The following ANO9 variants were observed in gnomAD, a reference collection of about 807,000 sequenced individuals.
The protein encoded by ANO9 is anoctamin 9.
A neutral mutation model predicts 100.5 loss-of-function variants in ANO9; 80 were observed. The observed-to-expected ratio is 0.80, with a 90% CI of 0.66 to 0.96. The LOEUF (loss-of-function observed/expected upper bound fraction) is 0.96, where lower values mean the gene tolerates loss of function less well. Among genes scored for constraint, ANO9 ranks in the 40% least tolerant of loss-of-function variants. The probability of loss-of-function intolerance (pLI) is 0.00; values close to 1 mark genes in which losing one functional copy is unlikely to be tolerated. For missense variants in ANO9, 1,064 were observed against 1,072.7 expected (o/e 0.99, Z 0.11); for synonymous variants, 473 against 435.6 (o/e 1.09, Z -1.07).
intron 1 of ANO9, chr11:440,529 C>G (rs896164990): frequency 2.6e-5 from 4 of 152,540 alleles, no homozygotes; most frequent in African/African-American, 9.7e-5. Flanking sequence ...GTTCACCCCT[C>G]CTTAGGCAAC....
chr11:440,236 G>A (rs1400659726), intron 1 of ANO9, among the ~76,000 whole-genome samples: 2 of 152,146 alleles, frequency 1.3e-5, no homozygotes, highest in Non-Finnish European at 2.9e-5. Context: ...TCAGTCCTTG[G>A]TACTTCAGCT....
chr11:421,457 C>A lies in ANO9; in HGVS notation c.1335-259G>T, dbSNP rs1292763524. ...TGGGCGCGCGCACACACACACACAC[C>A]CCCACACAGGGGAGGCCACAGGCTC... On this transcript the variant is annotated intron_variant, in intron 15 of 22. Transcript: ENST00000332826. The surrounding 1 kb of genome is among the most constrained non-coding windows in gnomAD (Gnocchi z 6.8). Among the ~76,000 whole-genome samples the A allele has an allele frequency of 2.2e-3, 210 of 94,232 alleles. 2 individuals are homozygous for A. The highest frequency in any genetic ancestry group is 5.1e-3 in the Middle Eastern group (1 of 196). The allele number at this position is 94,232 out of a possible 152,430, so 61.8% of individuals were successfully genotyped here.
chr11:425,553 T>TAA (rs796310958), intron 15 of ANO9, among the ~76,000 whole-genome samples: 2 of 132,084 alleles, frequency 1.5e-5, no homozygotes, highest in African/African-American at 5.6e-5. Flanking sequence ...AACTGACAGT[T>TAA]AAAAAAAAAA....
At chr11:437,799 TG>T (rs1845480140) in intron 1 of ANO9, among the ~76,000 whole-genome samples, 1 of 152,130 alleles carries the variant, frequency 6.6e-6, no homozygotes, top group African/African-American at 2.4e-5. Context: ...CATGGGAGAA[TG>T]GCCCCTCACA....
chr11:429,474 C>G, intron 11 of ANO9, 96 bp downstream of exon 11: 1 of 1,543,110 alleles, frequency 6.5e-7, no homozygotes, highest in Non-Finnish European at 8.7e-7. Flanking sequence ...GGACACACAC[C>G]TCAGACACGG....
intron 1 of ANO9, among the ~76,000 whole-genome samples, chr11:441,233 A>G (rs1202194517): frequency 6.6e-6 from 1 of 152,210 alleles, no homozygotes; most frequent in Non-Finnish European, 1.5e-5. Context: ...TGGGCCGACC[A>G]GGTGCTGACC....
chr11:437,156 C>T (rs1018007781), intron 1 of ANO9, among the ~76,000 whole-genome samples: 23 of 151,698 alleles, frequency 1.5e-4, no homozygotes, highest in South Asian at 2.1e-4. Flanking sequence ...TTGTGCACTG[C>T]GCATGCAGGG....
intron 4 of ANO9, chr11:433,075 G>A (rs1169743032): frequency 3.8e-6 from 2 of 530,220 alleles, no homozygotes; most frequent in Non-Finnish European, 6.4e-6. Flanking sequence ...AACACAGGCA[G>A]CCACACGGAG....
intron 1 of ANO9, among the ~76,000 whole-genome samples, chr11:435,939 G>A (rs1401051968): frequency 2.0e-5 from 3 of 150,708 alleles, no homozygotes; most frequent in Non-Finnish European, 4.4e-5. Context: ...GTATAGCATA[G>A]CATAGTATAG....
At chr11:439,939 G>C (rs1333668143) in intron 1 of ANO9, among the ~76,000 whole-genome samples, 1 of 152,244 alleles carries the variant, frequency 6.6e-6, no homozygotes, top group Non-Finnish European at 1.5e-5. Flanking sequence ...CCCAGGCAGT[G>C]CGTGGCGTTC....
In ANO9 at chr11:418,326, G is replaced by A. The variant is rs745324544; in HGVS notation, c.*45C>T. 1.7e-5 allele frequency: 26 copies of A among 1,505,962 alleles called. No individual in the cohort carries two copies. In the Admixed American group the frequency reaches 5.4e-4, roughly 31 times the overall value. The allele number at this position is 1,505,962 out of a possible 1,614,324, so 93.3% of individuals were successfully genotyped here. On this transcript the variant is annotated 3_prime_UTR_variant, in exon 23 of 23. Transcript: ENST00000332826. Reference sequence around the variant, plus strand: ...GGTGGGCTTGTGGGAGGTGCTGGTGGTGGCACTGTCTCAGCTCCTGGTGGC... The same window carrying A: ...GGTGGGCTTGTGGGAGGTGCTGGTGATGGCACTGTCTCAGCTCCTGGTGGC...
Position 434,013 on chromosome 11 carries a change from C to T in ANO9, c.81+11G>A, listed in dbSNP as rs908013039. ...CCAGGTGGGGCCCGGGAGGGGCCCC[C>T]GGACACCCACCTCACAGGTGCTGAT... On this transcript the variant is annotated intron_variant, in intron 2 of 22. Coordinates refer to ENST00000332826, the MANE Select transcript of ANO9 (RefSeq NM_001012302.3). 17 of 1,550,090 alleles carry T rather than the reference C, an allele frequency of 1.1e-5. No individual in the cohort carries two copies. Among genetic ancestry groups the T allele is most frequent in the African/African-American group, 2.7e-5 (2 of 73,140 alleles).
Position 432,030 on chromosome 11 carries a change from G to C in ANO9, c.375C>G (p.Phe125Leu). 1 of 1,612,998 alleles carries C rather than the reference G, an allele frequency of 6.2e-7. No homozygotes were observed. The highest frequency in any genetic ancestry group is 1.1e-5 in the South Asian group (1 of 91,086). The change falls in exon 5 of 23, where the codon TTC (phenylalanine) becomes TTG (leucine). Residue 125 changes from phenylalanine (F) to leucine (L), a missense_variant. By Grantham distance (22) the Phe-to-Leu change is conservative. Coordinates refer to ENST00000332826, the MANE Select transcript of ANO9 (RefSeq NM_001012302.3). The surrounding 1 kb of genome is among the most constrained non-coding windows in gnomAD (Gnocchi z 4.8). ...TTSLRIRIVN[F>L]VVMNNKTSAG... is the part of the protein sequence containing the mutation. ...CCGAGGTCTTGTTGTTCATGACAAC[G>C]AAGTTCACGATTCGGATTCTGAGAC...
At chr11:441,812 A>G in intron 1 of ANO9, 109 bp downstream of exon 1, 1 of 1,483,096 alleles carries the variant, frequency 6.7e-7, no homozygotes, top group Middle Eastern at 2.3e-4. Context: ...CCCCCCACAC[A>G]CACAGGCGCC....
In ANO9 at chr11:431,719, G is replaced by T. The variant is rs748899316; in HGVS notation, c.514C>A (p.Arg172=). ...KTWARWRHMF[R]EQPVDEIRNY... The stretch of plus-strand genomic sequence containing the variant: ...CTGATTTCATCAACTGGCTGCTCCC[G>T]GAACATGTGTCTCCACCGCGCCCAC... The change falls in exon 7 of 23, where the codon CGG becomes AGG. Residue 172 remains arginine, a synonymous_variant. Transcript: ENST00000332826. 2 of 1,612,496 alleles carry T rather than the reference G, an allele frequency of 1.2e-6. No homozygotes were observed. The highest frequency in any genetic ancestry group is 2.2e-5 in the East Asian group (1 of 44,868).
intron 1 of ANO9, among the ~76,000 whole-genome samples, chr11:439,940 C>A (rs1008679105): frequency 1.3e-5 from 2 of 152,240 alleles, no homozygotes; most frequent in Non-Finnish European, 2.9e-5. Flanking sequence ...CCAGGCAGTG[C>A]GTGGCGTTCG....
At position 434,006 on chromosome 11, in the gene ANO9, G is replaced by A. The variant is rs533506492; in HGVS notation, c.81+18C>T. 1.5e-5 allele frequency: 23 copies of A among 1,550,362 alleles called. No individual in the cohort carries two copies. The East Asian group carries it at 5.1e-4, about 34-fold the overall frequency. On this transcript the variant is annotated intron_variant, in intron 2 of 22. Coordinates refer to ENST00000332826, the MANE Select transcript of ANO9 (RefSeq NM_001012302.3). Reference sequence around the variant, plus strand: ...AGCAGGGCCAGGTGGGGCCCGGGAGGGGCCCCCGGACACCCACCTCACAGG... The same window carrying A: ...AGCAGGGCCAGGTGGGGCCCGGGAGAGGCCCCCGGACACCCACCTCACAGG...
chr11:419,598 C>T lies in ANO9; in HGVS notation c.1918G>A (p.Gly640Ser). Residue 640 changes from glycine (G) to serine (S), a missense_variant, in exon 20 of 23, where the codon GGC (glycine) becomes AGC (serine). Coordinates refer to ENST00000332826, the MANE Select transcript of ANO9 (RefSeq NM_001012302.3). ...AGGCCTTACTCGACAGTAGAGTTGC[C>T]TTCTTTCAGGCATGGGCTATAGCGG... ...KYRYSPCLKE[G>S]NSTVDCLKGY... is the part of the protein sequence containing the mutation. 1 of 1,613,414 alleles carries T rather than the reference C, an allele frequency of 6.2e-7. No homozygotes were observed. Among genetic ancestry groups the T allele is most frequent in the Non-Finnish European group, 8.5e-7 (1 of 1,179,832 alleles).
rs374660946 is a variant in ANO9 at position 418,947 on chromosome 11, G to T, written c.1977C>A (p.His659Gln). 3.1e-6 allele frequency: 5 copies of T among 1,613,526 alleles called. No homozygotes were observed. The highest frequency in any genetic ancestry group is 4.2e-6 in the Non-Finnish European group (5 of 1,179,888). Residue 659 changes from histidine (H) to glutamine (Q), a missense_variant, in exon 21 of 23, where the codon CAC becomes CAA. Physicochemically the swap from His to Gln is conservative, Grantham distance 24. Transcript: ENST00000332826. ...GYVNHSLSVF[H>Q]TKDFQDPDGI... is the part of the protein sequence containing the mutation. ...CATCAGGGTCCTGGAAGTCCTTGGTGTGGAAGACGGACAGGCTGTGGTTGA... is the reference window on the plus strand; with the variant it reads ...CATCAGGGTCCTGGAAGTCCTTGGTTTGGAAGACGGACAGGCTGTGGTTGA...
Sources: gnomAD v4.1 joint callset for allele counts (sites outside exome capture counted in the v4.1 genomes callset) on GRCh38, gnomAD v4.1.1 for gene constraint, Gnocchi (gnomAD v3.1) non-coding constraint, MANE v1.5 for transcripts, NCBI Gene and HGNC (gene_info 2026-07-23, HGNC 2026-07-21) for gene names.